The following NTF3 variants were observed in gnomAD, a reference collection of about 807,000 sequenced individuals.
NTF3 encodes the protein neurotrophin 3.
In NTF3, 8 loss-of-function variants were observed where a neutral mutation model predicts 26.3. That is an observed-to-expected ratio of 0.30 (90% CI 0.18 to 0.55). The LOEUF is 0.55. NTF3 is among the 20% of genes least tolerant of loss of function. The pLI, the probability that NTF3 is intolerant of heterozygous loss-of-function variation, is 0.93. For synonymous variants in NTF3, 154 were observed against 145.5 expected (o/e 1.06, Z -0.42); for missense variants, 276 against 352.9 (o/e 0.78, Z 1.75).
At chr12:5,492,418 G>A (rs1940949158) in intron 1 of NTF3, among the ~76,000 whole-genome samples, 1 of 152,160 alleles carries the variant, frequency 6.6e-6, no homozygotes, top group Admixed American at 6.5e-5. Flanking sequence ...CTTTTTGAGG[G>A]GAGTAGAGAA....
intron 1 of NTF3, among the ~76,000 whole-genome samples, chr12:5,436,571 C>G (rs1940171130): frequency 6.6e-6 from 1 of 152,124 alleles, no homozygotes; most frequent in African/African-American, 2.4e-5. Context: ...TTTCCCCCAT[C>G]AAAACTTGAT....
At chr12:5,467,885 G>T (rs1439999724) in intron 1 of NTF3, among the ~76,000 whole-genome samples, 1 of 152,052 alleles carries the variant, frequency 6.6e-6, no homozygotes, top group Non-Finnish European at 1.5e-5. Flanking sequence ...TTATCGTGCT[G>T]TACTCCTTGG....
intron 1 of NTF3, among the ~76,000 whole-genome samples, chr12:5,486,589 A>G (rs979601615): frequency 3.9e-5 from 6 of 152,324 alleles, no homozygotes; most frequent in African/African-American, 1.4e-4. Flanking sequence ...CAGCTCGAAC[A>G]TAAGCATAAA....
chr12:5,451,687 T>G (rs1458711982), intron 1 of NTF3, among the ~76,000 whole-genome samples: 2 of 152,234 alleles, frequency 1.3e-5, no homozygotes, highest in Non-Finnish European at 2.9e-5. Context: ...ATTTTTGTTT[T>G]TTTACTTTAA....
chr12:5,471,217 T>A (rs1420319318), intron 1 of NTF3, among the ~76,000 whole-genome samples: 4 of 152,146 alleles, frequency 2.6e-5, no homozygotes, highest in Admixed American at 2.0e-4. Context: ...AGACGGCCTT[T>A]AGAAACAGCA....
intron 1 of NTF3, among the ~76,000 whole-genome samples, chr12:5,462,539 A>G (rs565839129): frequency 2.0e-5 from 3 of 152,358 alleles, no homozygotes; most frequent in East Asian, 3.9e-4. Flanking sequence ...GTAAGCACCC[A>G]GCAAGTGATA....
intron 1 of NTF3, among the ~76,000 whole-genome samples, chr12:5,453,548 G>A (rs746583282): frequency 6.6e-6 from 1 of 152,214 alleles, no homozygotes; most frequent in Non-Finnish European, 1.5e-5. Context: ...GGCTTTATCT[G>A]TGCGCTGCAT....
chr12:5,434,556 G>A (rs1309028244), intron 1 of NTF3, among the ~76,000 whole-genome samples: 1 of 151,650 alleles, frequency 6.6e-6, no homozygotes, highest in Non-Finnish European at 1.5e-5. Flanking sequence ...TGGTGCCTGG[G>A]AGGTGTGTGT....
At chr12:5,484,491 CTT>C (rs1940843876) in intron 1 of NTF3, among the ~76,000 whole-genome samples, 1 of 152,148 alleles carries the variant, frequency 6.6e-6, no homozygotes, top group African/African-American at 2.4e-5. Context: ...TTTATGGACT[CTT>C]TGAATCACCC....
chr12:5,450,855 G>A (rs79832993), intron 1 of NTF3, among the ~76,000 whole-genome samples: 101,872 of 151,982 alleles, frequency 0.67, 34,231 homozygotes, highest in South Asian at 0.73. Flanking sequence ...GGCTTTCTGT[G>A]GCCTTGCTTC....
chr12:5,433,614 G>C lies in NTF3; in HGVS notation c.18+1272G>C, dbSNP rs2121129833. ...GCACGGCACTGAGACCCTTGCGTCCGACGGTGTCGGGGCTGTGGACTAGAA... is the reference window on the plus strand; with the variant it reads ...GCACGGCACTGAGACCCTTGCGTCCCACGGTGTCGGGGCTGTGGACTAGAA... On this transcript the variant is annotated intron_variant, in intron 1 of 1. Coordinates refer to ENST00000423158, the MANE Select transcript of NTF3 (RefSeq NM_001102654.2). The surrounding 1 kb of genome is among the most constrained non-coding windows in gnomAD (Gnocchi z 4.6). Among the ~76,000 whole-genome samples, 1 of 152,262 alleles carries C rather than the reference G, an allele frequency of 6.6e-6. No homozygotes were observed. Among genetic ancestry groups the C allele is most frequent in the Non-Finnish European group, 1.5e-5 (1 of 68,026 alleles).
At chr12:5,486,880 G>GGTGT (rs10527557) in intron 1 of NTF3, among the ~76,000 whole-genome samples, 11,400 of 148,700 alleles carry the variant, frequency 0.077, 475 homozygotes, top group African/African-American at 0.12. Context: ...GTAGTTACGT[G>GGTGT]GTGTGTGTGT....
In NTF3 at chr12:5,494,442, G is replaced by GC. The variant is rs1555074465; in HGVS notation, c.270dup (p.Ala91ArgfsTer66). The stretch of plus-strand genomic sequence containing the variant: ...CTCCCCGAGAGCCGGAGCGGGGAGG[G>GC]CCCGCCAAGTCAGCATTCCAGCCGG... On this transcript the variant is annotated frameshift_variant, in exon 2 of 2. Transcript: ENST00000423158. LOFTEE classifies it high-confidence loss of function. The surrounding 1 kb of genome is among the most constrained non-coding windows in gnomAD (Gnocchi z 8.3). 18 of 1,584,516 alleles carry GC rather than the reference G, an allele frequency of 1.1e-5. No individual in the cohort carries two copies. The highest frequency in any genetic ancestry group is 8.0e-5 in the South Asian group (7 of 87,916).
intron 1 of NTF3, among the ~76,000 whole-genome samples, chr12:5,475,330 G>A (rs1166633026): frequency 6.6e-6 from 1 of 152,188 alleles, no homozygotes; most frequent in Admixed American, 6.5e-5. Flanking sequence ...TTGAAATGAA[G>A]AATGGTATTC....
At chr12:5,431,885 TGTTTG>T (rs2121124507), upstream of NTF3, among the ~76,000 whole-genome samples, 1 of 151,500 alleles carries the variant, frequency 6.6e-6, no homozygotes, top group Non-Finnish European at 1.5e-5. Context: ...TTGCTGTTGT[TGTTTG>T]GTTTGGTTTT....
intron 1 of NTF3, among the ~76,000 whole-genome samples, chr12:5,477,343 AC>A (rs1246188842): frequency 1.3e-5 from 2 of 152,174 alleles, no homozygotes; most frequent in African/African-American, 2.4e-5. Context: ...TAATTCCGAA[AC>A]CCAAAAAGCC....
upstream of NTF3, chr12:5,431,962 G>C (rs7977605): frequency 1.9e-5 from 2 of 105,490 alleles, no homozygotes; most frequent in African/African-American, 3.5e-5. Context: ...AAGTGAGGGC[G>C]GGGGGGGGGC....
intron 1 of NTF3, among the ~76,000 whole-genome samples, chr12:5,441,530 A>G (rs1157666236): frequency 1.3e-5 from 2 of 152,198 alleles, no homozygotes; most frequent in Non-Finnish European, 2.9e-5. Flanking sequence ...CAGAGAGCCT[A>G]AGGCTCCCTT....
At chr12:5,444,000 G>A (rs983062453) in intron 1 of NTF3, among the ~76,000 whole-genome samples, 3 of 152,174 alleles carry the variant, frequency 2.0e-5, no homozygotes, top group African/African-American at 4.8e-5. Context: ...ACCTCAGCTC[G>A]TCACTGTAAT....
Sources: allele counts gnomAD v4.1 joint callset (sites outside exome capture counted in the v4.1 genomes callset), GRCh38; gene constraint gnomAD v4.1.1; non-coding constraint Gnocchi (gnomAD v3.1); transcripts MANE v1.5; gene names NCBI Gene and HGNC (gene_info 2026-07-23, HGNC 2026-07-21).